Variants in DCC observed in about 807,000 individuals in gnomAD.
The protein encoded by DCC is DCC netrin 1 receptor, also known as netrin receptor DCC.
Under a neutral mutation model 172.5 loss-of-function variants are expected in DCC, and 58 were observed. The observed-to-expected ratio is 0.34, with a 90% CI of 0.27 to 0.42. The LOEUF is 0.42. Ranked by LOEUF, DCC falls within the 10% of genes least tolerant of loss-of-function variation. The pLI is 1.00. For synonymous variants in DCC, 709 were observed against 644.5 expected, an observed-to-expected ratio of 1.10 and a Z score of -1.52; for missense variants, 1,740 against 1,791.0, an observed-to-expected ratio of 0.97 and a Z score of 0.51.
intron 1 of DCC, among the ~76,000 whole-genome samples, chr18:52,736,480 A>G (rs780740955): frequency 1.3e-5 from 2 of 152,048 alleles, no homozygotes; most frequent in Admixed American, 6.6e-5. Context: ...TTATGTCTAC[A>G]TTATTCATTC....
chr18:53,458,672 G>A (rs936209183), intron 23 of DCC, among the ~76,000 whole-genome samples: 18 of 152,198 alleles, frequency 1.2e-4, no homozygotes, highest in Non-Finnish European at 2.2e-4. Flanking sequence ...GACACTCAGT[G>A]ATGCCAAGGC....
At chr18:52,611,094 T>A (rs915717632) in intron 1 of DCC, among the ~76,000 whole-genome samples, 1 of 152,196 alleles carries the variant, frequency 6.6e-6, no homozygotes, top group Non-Finnish European at 1.5e-5. Flanking sequence ...TTGTTTTTAA[T>A]TCTCACTTTT....
chr18:53,416,814 A>T (rs1161446562), intron 21 of DCC, among the ~76,000 whole-genome samples: 1 of 152,226 alleles, frequency 6.6e-6, no homozygotes, highest in Non-Finnish European at 1.5e-5. Flanking sequence ...CCATCAACTT[A>T]TAAGTGGATA....
intron 1 of DCC, among the ~76,000 whole-genome samples, chr18:52,666,951 T>A (rs2035468163): frequency 6.6e-6 from 1 of 152,192 alleles, no homozygotes; most frequent in Non-Finnish European, 1.5e-5. Flanking sequence ...TCTGTATATG[T>A]GTTTGTTGGT....
At chr18:52,553,574 A>G (rs2032834118) in intron 1 of DCC, among the ~76,000 whole-genome samples, 1 of 151,992 alleles carries the variant, frequency 6.6e-6, no homozygotes, top group African/African-American at 2.4e-5. Flanking sequence ...CACTGTGTGA[A>G]TTTCTGAGAA....
chr18:53,140,775 T>A (rs574943798), intron 7 of DCC, among the ~76,000 whole-genome samples: 1 of 152,196 alleles, frequency 6.6e-6, no homozygotes, highest in Non-Finnish European at 1.5e-5. Flanking sequence ...TTTGAGTGAT[T>A]GATTAAAGAT....
At chr18:53,083,379 T>A (rs1032260481) in intron 7 of DCC, among the ~76,000 whole-genome samples, 1 of 152,186 alleles carries the variant, frequency 6.6e-6, no homozygotes, top group Non-Finnish European at 1.5e-5. Flanking sequence ...ATTAGCAACA[T>A]GAAAGAACAC....
At chr18:53,046,029 T>C (rs943621613) in intron 5 of DCC, among the ~76,000 whole-genome samples, 4 of 151,958 alleles carry the variant, frequency 2.6e-5, no homozygotes, top group Admixed American at 2.0e-4. Context: ...TCCTCACTTA[T>C]AAAGCAGTGA....
intron 12 of DCC, among the ~76,000 whole-genome samples, chr18:53,226,671 C>T (rs1223669138): frequency 6.6e-6 from 1 of 151,570 alleles, no homozygotes; most frequent in Non-Finnish European, 1.5e-5. Flanking sequence ...TACCTCATCC[C>T]TCAAGGGTTG....
intron 1 of DCC, among the ~76,000 whole-genome samples, chr18:52,684,990 C>T (rs1368876799): frequency 6.6e-6 from 1 of 152,058 alleles, no homozygotes; most frequent in Non-Finnish European, 1.5e-5. Context: ...CTTCCAATTC[C>T]TATTTTTTTT....
At chr18:52,525,899 GTT>G (rs2031967597) in intron 1 of DCC, among the ~76,000 whole-genome samples, 1 of 152,162 alleles carries the variant, frequency 6.6e-6, no homozygotes, top group Non-Finnish European at 1.5e-5. Flanking sequence ...GTTAGCCTCA[GTT>G]TTCTTATCTG....
At chr18:53,307,545 A>G (rs140652747) in intron 13 of DCC, among the ~76,000 whole-genome samples, 409 of 152,218 alleles carry the variant, frequency 2.7e-3, no homozygotes, top group Non-Finnish European at 4.7e-3. Flanking sequence ...AAACTTTATC[A>G]TCATTGCTTT....
At position 52,987,632 on chromosome 18, in the gene DCC, G is replaced by C. The variant is rs8088416; in HGVS notation, c.985+62262G>C. 2.0e-5 allele frequency among the ~76,000 whole-genome samples: 3 copies of C among 152,156 alleles called. No individual in the cohort carries two copies. In the South Asian group the frequency reaches 6.2e-4, roughly 32 times the overall value. ...GGTTACATATCTGAGGAAATGGGCA[G>C]GGGGACCCAAATGGTTGAGTTGCAA... On this transcript the variant is annotated intron_variant, in intron 5 of 28. Coordinates refer to ENST00000442544, the MANE Select transcript of DCC (RefSeq NM_005215.4).
chr18:53,003,072 G>A (rs1407416336), intron 5 of DCC, among the ~76,000 whole-genome samples: 1 of 152,100 alleles, frequency 6.6e-6, no homozygotes, highest in Non-Finnish European at 1.5e-5. Flanking sequence ...TTGGTAATGT[G>A]CTGAAAACAA....
intron 5 of DCC, among the ~76,000 whole-genome samples, chr18:53,017,682 G>A (rs765003289): frequency 2.0e-5 from 3 of 152,124 alleles, no homozygotes; most frequent in Non-Finnish European, 4.4e-5. Context: ...CTAGAAAAAT[G>A]TATACATGCT....
At chr18:52,515,540 G>C (rs1179579377) in intron 1 of DCC, among the ~76,000 whole-genome samples, 2 of 136,836 alleles carry the variant, frequency 1.5e-5, no homozygotes, top group African/African-American at 5.4e-5. Flanking sequence ...CCAGGAGGCT[G>C]AGCTTGCAGT....
intron 7 of DCC, among the ~76,000 whole-genome samples, chr18:53,155,161 C>A (rs928538642): frequency 6.6e-6 from 1 of 151,292 alleles, no homozygotes; most frequent in Non-Finnish European, 1.5e-5. Flanking sequence ...AATTGTATAT[C>A]GATAATGTTT....
intron 1 of DCC, among the ~76,000 whole-genome samples, chr18:52,424,911 G>C (rs573208156): frequency 7.4e-6 from 1 of 135,674 alleles, no homozygotes; most frequent in South Asian, 2.2e-4. Context: ...TATCTCTCCT[G>C]ATTTCCTTTT....
chr18:53,178,495 C>T (rs1452693322), intron 8 of DCC, among the ~76,000 whole-genome samples: 1 of 152,154 alleles, frequency 6.6e-6, no homozygotes. Flanking sequence ...TCTGCGTTTT[C>T]CTTTCATACA....
Sources: allele counts gnomAD v4.1 joint callset (sites outside exome capture counted in the v4.1 genomes callset), GRCh38; gene constraint gnomAD v4.1.1; transcripts MANE v1.5; gene names NCBI Gene and HGNC (gene_info 2026-07-23, HGNC 2026-07-21).